CNTNAP4: variants seen among roughly 807,000 people sequenced by gnomAD.
CNTNAP4 encodes the protein contactin associated protein family member 4, also known as contactin-associated protein-like 4.
Under a neutral mutation model 148.4 loss-of-function variants are expected in CNTNAP4, and 98 were observed. That is an observed-to-expected ratio of 0.66 (90% CI 0.56 to 0.78). The LOEUF (loss-of-function observed/expected upper bound fraction) is 0.78. Among genes scored for constraint, CNTNAP4 ranks in the 30% least tolerant of loss-of-function variants. The pLI, the probability that CNTNAP4 is intolerant of heterozygous loss-of-function variation, is 0.00. For synonymous variants in CNTNAP4, 730 were observed against 565.1 expected, an observed-to-expected ratio of 1.29 and a Z score of -4.14; for missense variants, 1,935 against 1,565.6, an observed-to-expected ratio of 1.24 and a Z score of -3.98.
At chr16:76,286,925 G>A (rs562695327) in intron 1 of CNTNAP4, among the ~76,000 whole-genome samples, 4 of 152,226 alleles carry the variant, frequency 2.6e-5, no homozygotes, top group Admixed American at 2.6e-4. Context: ...TGGTGATGAG[G>A]GAATTCTATG....
Position 76,340,004 on chromosome 16 carries a change from T to C in CNTNAP4, c.197-15314T>C, listed in dbSNP as rs1318108911. On this transcript the variant is annotated intron_variant, in intron 2 of 23. Transcript: ENST00000611870. ...GCTGAGTGAGAGGCATAAGAACATGTATAATTCAAATAAAATTGTGGAGAA... is the reference window on the plus strand; with the variant it reads ...GCTGAGTGAGAGGCATAAGAACATGCATAATTCAAATAAAATTGTGGAGAA... Among the ~76,000 whole-genome samples the C allele has an allele frequency of 2.0e-5, 3 of 152,136 alleles. No homozygotes were observed. The South Asian group carries it at 6.2e-4, about 32-fold the overall frequency.
intron 15 of CNTNAP4, among the ~76,000 whole-genome samples, chr16:76,502,509 T>C (rs1285393406): frequency 6.6e-6 from 1 of 151,940 alleles, no homozygotes; most frequent in Admixed American, 6.5e-5. Context: ...GGACTACACA[T>C]TGAATAATTT....
chr16:76,286,711 C>T (rs1266976316), intron 1 of CNTNAP4, among the ~76,000 whole-genome samples: 1 of 152,116 alleles, frequency 6.6e-6, no homozygotes, highest in Non-Finnish European at 1.5e-5. Flanking sequence ...CAAAGTTGAA[C>T]ATTTTTTCAC....
At chr16:76,290,858 C>T (rs1446770922) in intron 1 of CNTNAP4, among the ~76,000 whole-genome samples, 2 of 152,168 alleles carry the variant, frequency 1.3e-5, no homozygotes, top group African/African-American at 4.8e-5. Flanking sequence ...GGCCAAAAGT[C>T]CATCAAAATG....
intron 10 of CNTNAP4, among the ~76,000 whole-genome samples, chr16:76,471,508 C>T (rs2081373130): frequency 6.6e-6 from 1 of 152,104 alleles, no homozygotes; most frequent in African/African-American, 2.4e-5. Flanking sequence ...AGCCTCTGCA[C>T]CTCCGTCACC....
chr16:76,460,773 A>AAAAAAAAAAATATATATATATATATATAT, intron 8 of CNTNAP4, among the ~76,000 whole-genome samples: 1 of 57,324 alleles, frequency 1.7e-5, no homozygotes, highest in Non-Finnish European at 3.3e-5. Flanking sequence ...AAAAAAAAAA[A>AAAAAAAAAAATATATATATATATATATAT]ATATATATAT....
rs771272500 is a variant in CNTNAP4 at position 76,521,990 on chromosome 16, C to T, written c.2537-49C>T. 11 of 1,558,330 alleles carry T rather than the reference C, an allele frequency of 7.1e-6. No homozygotes were observed. The African/African-American group carries it at 1.5e-4, about 21-fold the overall frequency. On this transcript the variant is annotated intron_variant, in intron 16 of 23. Transcript: ENST00000611870. Reference sequence around the variant, plus strand: ...TCCTAAGTATATTGGAGACTCGGCACTTCGCCATAGGAACTCACTAGAACA... The same window carrying T: ...TCCTAAGTATATTGGAGACTCGGCATTTCGCCATAGGAACTCACTAGAACA...
In CNTNAP4 at chr16:76,448,963, A is replaced by G. The variant is rs1319409507; in HGVS notation, c.927+12A>G. The G allele has an allele frequency of 1.2e-6, 2 of 1,608,980 alleles. No homozygotes were observed. Among genetic ancestry groups the G allele is most frequent in the Non-Finnish European group, 1.7e-6 (2 of 1,176,508 alleles). On this transcript the variant is annotated intron_variant, in intron 6 of 23. Coordinates refer to ENST00000611870, the MANE Select transcript of CNTNAP4 (RefSeq NM_033401.5). ...ATCTTGATTATGAGGTGTGATGGTT[A>G]TGTTTCAATTAATGCTGATTTTATT...
Position 76,439,320 on chromosome 16 carries a change from C to T in CNTNAP4, c.539-8692C>T, listed in dbSNP as rs147297951. Among the ~76,000 whole-genome samples, 1,192 of 145,434 alleles carry T rather than the reference C, an allele frequency of 8.2e-3. 11 individuals carry two copies. Among genetic ancestry groups the T allele is most frequent in the Middle Eastern group, 0.022 (6 of 276 alleles). On this transcript the variant is annotated intron_variant, in intron 4 of 23. Transcript: ENST00000611870. ...AAAAGAGAGATAACTTTGAGATAAACGTGATTTCAAGTGTTGTTATTATTA... is the reference window on the plus strand; with the variant it reads ...AAAAGAGAGATAACTTTGAGATAAATGTGATTTCAAGTGTTGTTATTATTA...
chr16:76,321,692 G>A (rs769560244), intron 2 of CNTNAP4, among the ~76,000 whole-genome samples: 9 of 151,378 alleles, frequency 5.9e-5, no homozygotes, highest in Admixed American at 1.3e-4. Flanking sequence ...AGGAGGCTGG[G>A]GCAGGAGAAT....
chr16:76,524,912 T>C (rs5013016), intron 17 of CNTNAP4, among the ~76,000 whole-genome samples: 151,884 of 152,168 alleles, frequency 1, 75,800 homozygotes, highest in Middle Eastern at 1. Flanking sequence ...TGCTCACAGA[T>C]AACTGTGAGC....
At chr16:76,370,993 TG>T (rs1220299345) in intron 3 of CNTNAP4, among the ~76,000 whole-genome samples, 1 of 152,050 alleles carries the variant, frequency 6.6e-6, no homozygotes, top group African/African-American at 2.4e-5. Flanking sequence ...TTCAATGTCC[TG>T]AAAGAAGGGA....
chr16:76,411,598 T>C (rs1164071221), intron 3 of CNTNAP4, among the ~76,000 whole-genome samples: 1 of 151,276 alleles, frequency 6.6e-6, no homozygotes, highest in Non-Finnish European at 1.5e-5. Context: ...AGTTGAAAGG[T>C]ATTTCTCATA....
Position 76,379,402 on chromosome 16 carries a change from A to G in CNTNAP4, c.390+23891A>G, listed in dbSNP as rs544731538. 3.9e-5 allele frequency among the ~76,000 whole-genome samples: 6 copies of G among 152,228 alleles called. No individual in the cohort carries two copies. In the South Asian group the frequency reaches 8.3e-4, roughly 21 times the overall value. The stretch of plus-strand genomic sequence containing the variant: ...ATTTATAATTTTTCATTTCATTACA[A>G]TTGTAATTTGTCAAATATATTTTCT... On this transcript the variant is annotated intron_variant, in intron 3 of 23. Transcript: ENST00000611870.
At chr16:76,305,282 C>G (rs1017376107) in intron 1 of CNTNAP4, among the ~76,000 whole-genome samples, 3 of 152,048 alleles carry the variant, frequency 2.0e-5, no homozygotes, top group African/African-American at 7.2e-5. Flanking sequence ...TATACTTTCT[C>G]CATAAGAATA....
chr16:76,337,764 G>A (rs1194531817), intron 2 of CNTNAP4, among the ~76,000 whole-genome samples: 1 of 152,122 alleles, frequency 6.6e-6, no homozygotes, highest in East Asian at 1.9e-4. Context: ...TCCCAGAGCA[G>A]CCGTCCATAG....
intron 1 of CNTNAP4, among the ~76,000 whole-genome samples, chr16:76,301,448 T>C (rs1198315003): frequency 1.3e-5 from 2 of 152,206 alleles, no homozygotes; most frequent in African/African-American, 4.8e-5. Context: ...AAATAATTTA[T>C]GATCTAATTC....
intron 15 of CNTNAP4, among the ~76,000 whole-genome samples, chr16:76,500,951 C>T (rs1472360394): frequency 6.6e-6 from 1 of 152,024 alleles, no homozygotes; most frequent in Non-Finnish European, 1.5e-5. Context: ...ATTAACACCA[C>T]GCCTTAAAAT....
intron 15 of CNTNAP4, among the ~76,000 whole-genome samples, chr16:76,513,562 A>G (rs1234494711): frequency 6.6e-6 from 1 of 152,188 alleles, no homozygotes; most frequent in African/African-American, 2.4e-5. Flanking sequence ...TTTATTTTCA[A>G]TTATTTTAGT....
Sources: gnomAD v4.1 joint callset for allele counts (sites outside exome capture counted in the v4.1 genomes callset) on GRCh38, gnomAD v4.1.1 for gene constraint, MANE v1.5 for transcripts, NCBI Gene and HGNC (gene_info 2026-07-23, HGNC 2026-07-21) for gene names.